PXDN: variants seen among roughly 807,000 people sequenced by gnomAD.
The protein encoded by PXDN is peroxidasin.
In PXDN, 77 loss-of-function variants were observed where a neutral mutation model predicts 140.3. The ratio of observed to expected loss-of-function variants is 0.55; its 90% CI spans 0.46 to 0.66. PXDN has a LOEUF of 0.66. Among genes scored for constraint, PXDN ranks in the 30% least tolerant of loss-of-function variants. PXDN has a pLI of 0.00. For missense variants in PXDN, 1,838 were observed against 2,039.5 expected (o/e 0.90, Z 1.90); for synonymous variants, 911 against 857.4 (o/e 1.06, Z -1.09).
At chr2:1,719,739 A>G (rs891997707) in intron 1 of PXDN, among the ~76,000 whole-genome samples, 3 of 152,182 alleles carry the variant, frequency 2.0e-5, no homozygotes, top group Non-Finnish European at 4.4e-5. Flanking sequence ...GCTGCGGTCC[A>G]GGAGGACCAG....
intron 1 of PXDN, among the ~76,000 whole-genome samples, chr2:1,727,622 C>T (rs1183724005): frequency 6.6e-6 from 1 of 152,176 alleles, no homozygotes; most frequent in Non-Finnish European, 1.5e-5. Context: ...GTTAGGCAGC[C>T]TTCCCATCCC....
At chr2:1,670,220 A>G (rs978580378) in intron 9 of PXDN, among the ~76,000 whole-genome samples, 5 of 152,258 alleles carry the variant, frequency 3.3e-5, no homozygotes, top group Non-Finnish European at 5.9e-5. Flanking sequence ...AGATTTGGAA[A>G]AAAATCTAAA....
intron 1 of PXDN, among the ~76,000 whole-genome samples, chr2:1,708,953 G>A (rs925910380): frequency 3.9e-5 from 6 of 152,116 alleles, no homozygotes; most frequent in African/African-American, 7.2e-5. Flanking sequence ...GTCCTGCAGC[G>A]CCCTTGACCA....
At chr2:1,640,142 G>A (rs1682689861) in intron 19 of PXDN, among the ~76,000 whole-genome samples, 1 of 150,576 alleles carries the variant, frequency 6.6e-6, no homozygotes, top group Non-Finnish European at 1.5e-5. Flanking sequence ...TGAGTGAGGG[G>A]CCCTCAGTGC....
rs559109778 is a variant in PXDN at position 1,652,752 on chromosome 2, C to T, written c.2104+876G>A. ...TCAGAGCAACACTCTACTCCGAAGA[C>T]GGGCATATATCACCCTACAGGTCTC... is the stretch of plus-strand genomic sequence containing the variant. On this transcript the variant is annotated intron_variant, in intron 16 of 22. Coordinates refer to ENST00000252804, the MANE Select transcript of PXDN (RefSeq NM_012293.3). 5.3e-5 allele frequency among the ~76,000 whole-genome samples: 8 copies of T among 152,296 alleles called. 1 individual carries two copies. The highest frequency in any genetic ancestry group is 4.1e-4 in the South Asian group (2 of 4,828).
intron 1 of PXDN, among the ~76,000 whole-genome samples, chr2:1,701,121 T>C (rs1302970933): frequency 1.3e-5 from 2 of 152,128 alleles, no homozygotes; most frequent in African/African-American, 4.8e-5. Context: ...AAAAGCTGCA[T>C]CCCAAAGCCA....
chr2:1,728,992 G>A (rs1290711408), intron 1 of PXDN, among the ~76,000 whole-genome samples: 1 of 151,792 alleles, frequency 6.6e-6, no homozygotes, highest in Non-Finnish European at 1.5e-5. Context: ...CAGCAGGCAG[G>A]GCGCTGGGCT....
intron 1 of PXDN, among the ~76,000 whole-genome samples, chr2:1,731,294 T>G (rs6759232): frequency 5.3e-4 from 37 of 70,432 alleles, no homozygotes; most frequent in South Asian, 2.1e-3. Context: ...TTCCTGGACA[T>G]GCAGCTGACC....
At chr2:1,711,454 CACTCTCCACCA>C in intron 1 of PXDN, among the ~76,000 whole-genome samples, 1 of 123,858 alleles carries the variant, frequency 8.1e-6, no homozygotes, top group African/African-American at 3.8e-5. Flanking sequence ...CACCAGCACC[CACTCTCCACCA>C]GCACCCGCTC....
At chr2:1,678,029 C>T (rs1322918857) in intron 7 of PXDN, among the ~76,000 whole-genome samples, 2 of 152,186 alleles carry the variant, frequency 1.3e-5, no homozygotes, top group East Asian at 1.9e-4. Flanking sequence ...GCAAGGGCTC[C>T]TCCAGGATTG....
In PXDN at chr2:1,680,182, G is replaced by A. The variant is rs754008837; in HGVS notation, c.730+11C>T. On this transcript the variant is annotated intron_variant, in intron 7 of 22. Transcript: ENST00000252804. ...AGTGTGTGGATGGTGTGTGCGTGTC[G>A]GGCCACTCACCACAGTTCAGCTCTT... 1.6e-5 allele frequency: 25 copies of A among 1,547,200 alleles called. No individual in the cohort carries two copies. The highest frequency in any genetic ancestry group is 2.0e-5 in the Non-Finnish European group (23 of 1,143,940).
chr2:1,635,969 C>T, intron 21 of PXDN: 1 of 292,778 alleles, frequency 3.4e-6, no homozygotes, highest in Non-Finnish European at 6.5e-6. Flanking sequence ...GTGCCATGCA[C>T]AGGGGTAGCA....
At position 1,640,006 on chromosome 2, in the gene PXDN, G is replaced by A; in HGVS notation, c.3953-584C>T. Among the ~76,000 whole-genome samples, 2 of 152,102 alleles carry A rather than the reference G, an allele frequency of 1.3e-5. 1 individual carries two copies. The highest frequency in any genetic ancestry group is 2.9e-5 in the Non-Finnish European group (2 of 68,000). On this transcript the variant is annotated intron_variant, in intron 19 of 22. Coordinates refer to ENST00000252804, the MANE Select transcript of PXDN (RefSeq NM_012293.3). ...TATGCCTCACCTGAGCCCCGGGTGA[G>A]TGAGGGGCCCTCAGTGCCGTGTCCC...
chr2:1,691,393 T>C (rs138381142), intron 3 of PXDN, among the ~76,000 whole-genome samples: 7 of 152,286 alleles, frequency 4.6e-5, no homozygotes, highest in Admixed American at 1.3e-4. Context: ...ATAAATCGAT[T>C]AAAATCAGTT....
At chr2:1,683,576 T>G in intron 6 of PXDN, 80 bp downstream of exon 6, 4 of 701,170 alleles carry the variant, frequency 5.7e-6, no homozygotes, top group Non-Finnish European at 8.0e-6. Context: ...TTCACAATAC[T>G]TGAAAAAGAA....
chr2:1,679,950 T>G (rs1683845643), intron 7 of PXDN, among the ~76,000 whole-genome samples: 1 of 144,410 alleles, frequency 6.9e-6, no homozygotes, highest in Admixed American at 7.0e-5. Context: ...TGCGTGTGTG[T>G]GGTTTGTGTC....
chr2:1,692,424 A>G (rs890516339), intron 2 of PXDN: 2 of 455,974 alleles, frequency 4.4e-6, no homozygotes, highest in African/African-American at 4.0e-5. Flanking sequence ...ATTCGAGCGC[A>G]CAGACAAGGG....
At position 1,649,169 on chromosome 2, in the gene PXDN, T is replaced by C; in HGVS notation, c.2611A>G (p.Ser871Gly). The C allele has an allele frequency of 6.7e-7, 1 of 1,502,970 alleles. No homozygotes were observed. The highest frequency in any genetic ancestry group is 9.0e-7 in the Non-Finnish European group (1 of 1,113,994). The allele number at this position is 1,502,970 out of a possible 1,614,324, so 93.1% of individuals were successfully genotyped here. A position where few individuals can be genotyped will look rare whatever the true frequency, so the allele number is the denominator to read the frequency against. ...MIPPNDSRAR[S>G]GARCMFFVRS... ...ACGAAGAACATGCAGCGGGCCCCGC[T>C]CCTGGCCCGGGAGTCATTGGGGGGG... Residue 871 changes from serine to glycine, a missense_variant, in exon 17 of 23, where the codon AGC (serine) becomes GGC (glycine). Coordinates refer to ENST00000252804, the MANE Select transcript of PXDN (RefSeq NM_012293.3). This position sits in a 1 kb window ranked among gnomAD's most constrained non-coding sequence, Gnocchi z 7.1.
In PXDN at chr2:1,717,343, C is replaced by T. The variant is rs148596288; in HGVS notation, c.201-24209G>A. 4.4e-3 allele frequency among the ~76,000 whole-genome samples: 676 copies of T among 152,254 alleles called. 5 individuals carry two copies. Among genetic ancestry groups the T allele is most frequent in the African/African-American group, 0.015 (628 of 41,540 alleles). ...CCACTATTCAAGGCCTCTTTGTTCT[C>T]GGTTCTGCGGATCAGTCCAAATGCC... On this transcript the variant is annotated intron_variant, in intron 1 of 22. Transcript: ENST00000252804.
Sources: gnomAD v4.1 joint callset for allele counts (sites outside exome capture counted in the v4.1 genomes callset) on GRCh38, gnomAD v4.1.1 for gene constraint, Gnocchi (gnomAD v3.1) non-coding constraint, MANE v1.5 for transcripts, NCBI Gene and HGNC (gene_info 2026-07-23, HGNC 2026-07-21) for gene names.